Variants in CFAP57 observed in about 807,000 individuals in gnomAD.
CFAP57 encodes the protein cilia- and flagella-associated protein 57.
Under a neutral mutation model 146.8 loss-of-function variants are expected in CFAP57, and 116 were observed. The observed-to-expected ratio is 0.79, with a 90% CI of 0.68 to 0.92. The LOEUF is 0.92. Among genes scored for constraint, CFAP57 ranks in the 40% least tolerant of loss-of-function variants. The pLI, the probability that CFAP57 is intolerant of heterozygous loss-of-function variation, is 0.00. For missense variants in CFAP57, 1,377 were observed against 1,527.2 expected, an observed-to-expected ratio of 0.90 and a Z score of 1.64; for synonymous variants, 518 against 552.8, an observed-to-expected ratio of 0.94 and a Z score of 0.88.
intron 1 of CFAP57, 140 bp from the exon 2 acceptor site, chr1:43,172,595 G>A (rs1262819063): frequency 4.6e-6 from 3 of 646,786 alleles, no homozygotes; most frequent in Non-Finnish European, 7.8e-6. Flanking sequence ...CAAGGGGAGG[G>A]GAAAGGGGAG....
At position 43,233,487 on chromosome 1, in the gene CFAP57, T is replaced by TAAA. The variant is rs79375692; in HGVS notation, c.3127-779_3127-777dup. Among the ~76,000 whole-genome samples the TAAA allele has an allele frequency of 1.1e-4, 15 of 139,232 alleles. No homozygotes were observed. The East Asian group carries it at 1.3e-3, about 12-fold the overall frequency. 91.3% of individuals were successfully genotyped at this position (139,232 alleles called of 152,430 possible). On this transcript the variant is annotated intron_variant, in intron 19 of 22. Transcript: ENST00000372492. ...CTGGGTGACAGAGCAAGACTCCGTC[T>TAAA]AAAAAAAAAAAAAAAGATTGGAAAT... is the stretch of plus-strand genomic sequence containing the variant.
At chr1:43,190,468 C>T (rs2124363853) in intron 6 of CFAP57, among the ~76,000 whole-genome samples, 1 of 152,128 alleles carries the variant, frequency 6.6e-6, no homozygotes, top group Non-Finnish European at 1.5e-5. Flanking sequence ...GACGGGGTTT[C>T]ACCATGTTAG....
chr1:43,249,942 A>G (rs1463330351), intron 22 of CFAP57, among the ~76,000 whole-genome samples: 1 of 152,210 alleles, frequency 6.6e-6, no homozygotes, highest in Admixed American at 6.5e-5. Context: ...TATGCCAAAC[A>G]CTGAAACCTC....
At chr1:43,177,202 T>C (rs1333002272) in intron 2 of CFAP57, 1 of 456,330 alleles carries the variant, frequency 2.2e-6, no homozygotes, top group South Asian at 1.5e-5. Context: ...GGATGATTGC[T>C]GTAATTCAGG....
intron 22 of CFAP57, among the ~76,000 whole-genome samples, chr1:43,249,878 G>C (rs1646274714): frequency 6.6e-6 from 1 of 152,074 alleles, no homozygotes; most frequent in Admixed American, 6.6e-5. Context: ...ATCTGTCAAA[G>C]AAGGCATACC....
chr1:43,217,126 G>A (rs2124535723), intron 12 of CFAP57, among the ~76,000 whole-genome samples: 1 of 152,316 alleles, frequency 6.6e-6, no homozygotes, highest in South Asian at 2.1e-4. Context: ...AGGGATGAGG[G>A]AGTGGTGGTC....
In CFAP57 at chr1:43,202,925, G is replaced by A. The variant is rs190076245; in HGVS notation, c.1542+3422G>A. Among the ~76,000 whole-genome samples the A allele has an allele frequency of 1.4e-4, 21 of 152,276 alleles. No homozygotes were observed. The East Asian group carries it at 4.0e-3, about 29-fold the overall frequency. On this transcript the variant is annotated intron_variant, in intron 9 of 22. Coordinates refer to ENST00000372492, the MANE Select transcript of CFAP57 (RefSeq NM_001378189.1). ...GCAGTGGCTCACACCTGTAATCCCA[G>A]CACTTTGGGAGGCTGAGGTGGGCGG...
chr1:43,188,748 TGAA>T (rs59892851), intron 6 of CFAP57, among the ~76,000 whole-genome samples: 27,288 of 152,024 alleles, frequency 0.18, 3,516 homozygotes, highest in African/African-American at 0.35. Context: ...TGTCTTTTGA[TGAA>T]GTTTTCAATT....
At chr1:43,184,740 C>CTTTTTTTTTTTTTTTTT (rs57644418) in intron 4 of CFAP57, 1 of 101,324 alleles carries the variant, frequency 9.9e-6, no homozygotes, top group Non-Finnish European at 1.8e-5. Context: ...ATGGCATATC[C>CTTTTTTTTTTTTTTTTT]TTTTTTTTTT....
chr1:43,215,277 A>C lies in CFAP57; in HGVS notation c.1952A>C (p.Gln651Pro), dbSNP rs759598513. 6.4e-7 allele frequency: 1 copy of C among 1,551,210 alleles called. No individual in the cohort carries two copies. The highest frequency in any genetic ancestry group is 1.7e-4 in the Middle Eastern group (1 of 5,998). The change falls in exon 12 of 23, where the codon CAG (glutamine) becomes CCG (proline). Residue 651 changes from glutamine (Q) to proline (P), a missense_variant. Physicochemically the swap from Gln to Pro is moderately conservative, Grantham distance 76. Transcript: ENST00000372492. The part of the protein sequence containing the change: ...ITKMLLTFDD[Q>P]FLLTAAEDGC... ...CAGATGTTGCTTACCTTTGATGATC[A>C]GTTCCTGCTGACTGCTGCTGAGGAT...
chr1:43,180,168 T>C (rs1307528776), intron 2 of CFAP57, among the ~76,000 whole-genome samples: 1 of 149,970 alleles, frequency 6.7e-6, no homozygotes, highest in Non-Finnish European at 1.5e-5. Context: ...ATTGAGCCAT[T>C]GCACTCCAGC....
chr1:43,207,049 T>C, intron 10 of CFAP57, 117 bp downstream of exon 10: 1 of 1,002,042 alleles, frequency 1.0e-6, no homozygotes, highest in Non-Finnish European at 1.5e-6. Flanking sequence ...GGCCCCTTCT[T>C]CCCAAGATAA....
intron 22 of CFAP57, 85 bp downstream of exon 22, chr1:43,243,444 T>G: frequency 7.2e-7 from 1 of 1,391,472 alleles, no homozygotes; most frequent in South Asian, 1.6e-5. Context: ...TTGGCTTCCT[T>G]CTGTATCAGG....
rs1390523436 is a variant in CFAP57 at position 43,215,412 on chromosome 1, A to G, written c.2087A>G (p.Glu696Gly). 9 of 1,550,416 alleles carry G rather than the reference A, an allele frequency of 5.8e-6. No individual in the cohort carries two copies. The highest frequency in any genetic ancestry group is 2.7e-5 in the African/African-American group (2 of 73,048). ...EVLVTKTDME[E>G]KAQVMLELKT... Reference sequence around the variant, plus strand: ...CTTGTGACTAAAACAGACATGGAAGAAAAGGTAAGAACTGGATCTAATGAA... The same window carrying G: ...CTTGTGACTAAAACAGACATGGAAGGAAAGGTAAGAACTGGATCTAATGAA... The change falls in exon 12 of 23, where the codon GAA (glutamate) becomes GGA (glycine). Residue 696 changes from glutamate to glycine, a missense_variant. Physicochemically the swap from Glu to Gly is moderately conservative, Grantham distance 98. Transcript: ENST00000372492.
chr1:43,213,513 G>GC, intron 11 of CFAP57, among the ~76,000 whole-genome samples: 1 of 122,614 alleles, frequency 8.2e-6, no homozygotes, highest in East Asian at 2.0e-4. Context: ...TGGGGGGGGC[G>GC]GTGGAGCGCA....
intron 22 of CFAP57, among the ~76,000 whole-genome samples, chr1:43,252,909 G>T (rs909009112): frequency 6.6e-6 from 1 of 152,164 alleles, no homozygotes; most frequent in Admixed American, 6.5e-5. Context: ...CCAGATTGCA[G>T]CCCAGAGAGA....
intron 18 of CFAP57, among the ~76,000 whole-genome samples, chr1:43,229,840 C>T (rs769839708): frequency 7.9e-5 from 12 of 151,944 alleles, no homozygotes; most frequent in Non-Finnish European, 1.5e-4. Flanking sequence ...AAAACACCCC[C>T]TATCCAGGAT....
At chr1:43,226,866 C>A in intron 17 of CFAP57, 117 bp from the exon 18 acceptor site, 1 of 1,199,096 alleles carries the variant, frequency 8.3e-7, no homozygotes, top group Non-Finnish European at 1.1e-6. Context: ...GGAGAGGAGT[C>A]TCCTGGTTGA....
At chr1:43,182,296 G>A (rs922279600) in intron 3 of CFAP57, among the ~76,000 whole-genome samples, 1 of 152,208 alleles carries the variant, frequency 6.6e-6, no homozygotes, top group Non-Finnish European at 1.5e-5. Flanking sequence ...TTGCAGTTAT[G>A]TAAGGAACAG....
Sources: gnomAD v4.1 joint callset for allele counts (sites outside exome capture counted in the v4.1 genomes callset) on GRCh38, gnomAD v4.1.1 for gene constraint, MANE v1.5 for transcripts, NCBI Gene and HGNC (gene_info 2026-07-23, HGNC 2026-07-21) for gene names.